The following PFKL variants were observed in gnomAD, a reference collection of about 807,000 sequenced individuals.
PFKL encodes the protein phosphofructokinase, liver type, also known as ATP-dependent 6-phosphofructokinase, liver type.
A neutral mutation model predicts 92.1 loss-of-function variants in PFKL; 74 were observed. The ratio of observed to expected loss-of-function variants is 0.80; its 90% CI spans 0.67 to 0.97. The LOEUF is 0.97. PFKL is among the 50% of genes least tolerant of loss of function. The probability of loss-of-function intolerance (pLI) is 0.00; values close to 1 mark genes in which losing one functional copy is unlikely to be tolerated. For missense variants in PFKL, 1,028 were observed against 1,116.6 expected (o/e 0.92, Z 1.13); for synonymous variants, 494 against 456.4 (o/e 1.08, Z -1.05).
At chr21:44,314,258 C>T (rs367945583) in intron 7 of PFKL, 92 of 545,476 alleles carry the variant, frequency 1.7e-4, no homozygotes, top group African/African-American at 1.5e-3. Flanking sequence ...CTCAGGCTGC[C>T]GCCGCCCCAG....
chr21:44,310,863 A>G, intron 2 of PFKL, 143 bp from the exon 3 acceptor site: 1 of 625,810 alleles, frequency 1.6e-6, no homozygotes, highest in South Asian at 1.9e-5. Context: ...CCTGTTACCC[A>G]GGCCCTGGGA....
At chr21:44,305,480 G>A (rs1300234807) in intron 1 of PFKL, 4 of 1,270,950 alleles carry the variant, frequency 3.1e-6, no homozygotes, top group South Asian at 1.2e-5. Context: ...TGAGGGGCAC[G>A]AGGCTTGGGG....
At chr21:44,326,403 G>A (rs530763447) in intron 21 of PFKL, 139 bp downstream of exon 21, 31 of 702,330 alleles carry the variant, frequency 4.4e-5, no homozygotes, top group East Asian at 2.7e-4. Flanking sequence ...CCAGGTCCCC[G>A]CCAGGCCGTG....
In PFKL at chr21:44,322,153, C is replaced by T. The variant is rs768621688; in HGVS notation, c.1359C>T (p.His453=). The change falls in exon 14 of 22, where the codon CAC becomes CAT. Residue 453 remains histidine, a synonymous_variant. Coordinates refer to ENST00000349048, the MANE Select transcript of PFKL (RefSeq NM_002626.6). ...AKGQVQEVGW[H]DVAGWLGRGG... is the part of the protein sequence containing the mutation. ...GGCAGGTGCAAGAAGTAGGCTGGCA[C>T]GACGTGGCCGGCTGGTTGGGGCGTG... 3.1e-5 allele frequency: 49 copies of T among 1,605,902 alleles called. No individual in the cohort carries two copies. Among genetic ancestry groups the T allele is most frequent in the Middle Eastern group, 3.3e-4 (2 of 5,998 alleles).
chr21:44,301,001 T>A (rs1409137146), intron 1 of PFKL, among the ~76,000 whole-genome samples: 2 of 152,094 alleles, frequency 1.3e-5, no homozygotes, highest in East Asian at 3.9e-4. Context: ...AGACCAGAAG[T>A]GAGGTGCTGG....
chr21:44,305,242 C>T (rs2040897944), intron 1 of PFKL: 1 of 1,306,690 alleles, frequency 7.7e-7, no homozygotes, highest in South Asian at 1.2e-5. Flanking sequence ...GTGCCGATCC[C>T]TGGGGTTTCT....
In PFKL at chr21:44,301,865, G is replaced by T. The variant is rs1289528677; in HGVS notation, c.85+1675G>T. ...AAGTTGAGAGCCTGGGGTGGCACGT[G>T]CCCCCCCCACCCCCTGCCACCCCAT... On this transcript the variant is annotated intron_variant, in intron 1 of 21. Coordinates refer to ENST00000349048, the MANE Select transcript of PFKL (RefSeq NM_002626.6). Among the ~76,000 whole-genome samples, 6 of 151,788 alleles carry T rather than the reference G, an allele frequency of 4.0e-5. No individual in the cohort carries two copies. In the East Asian group the frequency reaches 9.7e-4, roughly 24 times the overall value.
rs781632697 is a variant in PFKL at position 44,321,845 on chromosome 21, C to T, written c.1308C>T (p.His436=). 1.3e-5 allele frequency: 21 copies of T among 1,566,414 alleles called. No homozygotes were observed. Among genetic ancestry groups the T allele is most frequent in the East Asian group, 9.1e-5 (4 of 43,944 alleles). Residue 436 remains histidine, a synonymous_variant, in exon 13 of 22, where the codon CAC becomes CAT. Transcript: ENST00000349048. ...ATGGACACACAGTATACGTGGTGCA[C>T]GATGGCTTCGAAGGCCTAGCCAAGG... ...ISHGHTVYVV[H]DGFEGLAKGQ...
At chr21:44,314,122 A>T in intron 7 of PFKL, 101 bp downstream of exon 7, 3 of 785,798 alleles carry the variant, frequency 3.8e-6, no homozygotes, top group East Asian at 5.4e-5. Context: ...TCTATCACTC[A>T]TGGGTTCATC....
rs1277406033 is a variant in PFKL at position 44,312,100 on chromosome 21, T to C, written c.238-5T>C. The C allele has an allele frequency of 1.3e-6, 2 of 1,524,978 alleles. No homozygotes were observed. Among genetic ancestry groups the C allele is most frequent in the East Asian group, 5.0e-5 (2 of 39,806 alleles). The allele number at this position is 1,524,978 out of a possible 1,614,324, so 94.5% of individuals were successfully genotyped here. On this transcript the variant is annotated splice_polypyrimidine_tract_variant and splice_region_variant and intron_variant, in intron 3 of 21. Transcript: ENST00000349048. Reference sequence around the variant, plus strand: ...CTCCTGAAGTTTCTGGTCTCCTCTGTGCAGGGCGGCACTATCATTGGCAGC... The same window carrying C: ...CTCCTGAAGTTTCTGGTCTCCTCTGCGCAGGGCGGCACTATCATTGGCAGC...
chr21:44,304,153 T>C, intron 1 of PFKL: 1 of 1,251,112 alleles, frequency 8.0e-7, no homozygotes. Context: ...AGCTGGGTTT[T>C]GGCAGCTTCA....
rs529651180 is a variant in PFKL, at chr21:44,324,159, C to T, written c.1650+241C>T. Among the ~76,000 whole-genome samples the T allele has an allele frequency of 9.2e-5, 14 of 152,212 alleles. No individual in the cohort carries two copies. The South Asian group carries it at 1.7e-3, about 18-fold the overall frequency. ...ATGAGCTCAGATGGGGAGACTGAGG[C>T]GGGAATGTCCCTGCGCCCCAGTGCT... On this transcript the variant is annotated intron_variant, in intron 16 of 21. Transcript: ENST00000349048.
rs751531655 is a variant in PFKL, at chr21:44,318,479, A to T, written c.946A>T (p.Met316Leu). Residue 316 changes from methionine (M) to leucine (L), a missense_variant, in exon 10 of 22, where the codon ATG (methionine) becomes TTG (leucine). Physicochemically the swap from Met to Leu is conservative, Grantham distance 15. Coordinates refer to ENST00000349048, the MANE Select transcript of PFKL (RefSeq NM_002626.6). Reference sequence around the variant, plus strand: ...GAACCCTTCCCCACAGAGCAGCAAGATGGGCATGGAGGCGGTGATGGCGCT... The same window carrying T: ...GAACCCTTCCCCACAGAGCAGCAAGTTGGGCATGGAGGCGGTGATGGCGCT... ...SAFDRILSSK[M>L]GMEAVMALLE... 2 of 1,549,560 alleles carry T rather than the reference A, an allele frequency of 1.3e-6. No individual in the cohort carries two copies. Among genetic ancestry groups the T allele is most frequent in the Non-Finnish European group, 1.8e-6 (2 of 1,140,330 alleles).
chr21:44,300,235 C>A (rs1390976616), intron 1 of PFKL, 45 bp downstream of exon 1: 1 of 926,868 alleles, frequency 1.1e-6, no homozygotes, highest in Non-Finnish European at 1.3e-6. Flanking sequence ...GGGTGGAGGG[C>A]GCCTCCGCCC....
At position 44,313,962 on chromosome 21, in the gene PFKL, AT is replaced by A. The variant is rs1568954791; in HGVS notation, c.689del (p.Ile230ThrfsTer28). ...GGCCTCAGGGGCCGACTGGCTGTTC[AT>A]CCCCGAGGCTCCACCCGAGGACGGC... is the stretch of plus-strand genomic sequence containing the variant. Reference protein sequence around the residue: ...ALASGADWLFIPEAPPEDGWE... With the variant: ...ALASGADWLFXPEAPPEDGWE... On this transcript the variant is annotated frameshift_variant, in exon 7 of 22. Transcript: ENST00000349048. LOFTEE classifies it high-confidence loss of function. The A allele has an allele frequency of 6.2e-7, 1 of 1,608,294 alleles. No homozygotes were observed. The highest frequency in any genetic ancestry group is 1.7e-5 in the Admixed American group (1 of 59,312).
chr21:44,307,646 G>A (rs989182038), intron 2 of PFKL, among the ~76,000 whole-genome samples: 2 of 152,200 alleles, frequency 1.3e-5, no homozygotes, highest in African/African-American at 4.8e-5. Flanking sequence ...AGCCTGTCCA[G>A]CCCTCCCTCT....
intron 12 of PFKL, chr21:44,320,463 C>T (rs758630354): frequency 4.8e-5 from 11 of 230,756 alleles, no homozygotes; most frequent in Non-Finnish European, 8.6e-6. Context: ...GCCAGGCTCA[C>T]ACCTGTAATC....
At chr21:44,301,963 C>T (rs1427708397) in intron 1 of PFKL, among the ~76,000 whole-genome samples, 1 of 152,172 alleles carries the variant, frequency 6.6e-6, no homozygotes, top group Admixed American at 6.5e-5. Flanking sequence ...GTTCTTGGGC[C>T]AGCGGGGAGG....
chr21:44,323,426 C>CT (rs2047411059), intron 15 of PFKL, among the ~76,000 whole-genome samples: 2 of 152,188 alleles, frequency 1.3e-5, no homozygotes, highest in Non-Finnish European at 2.9e-5. Flanking sequence ...GACGGCATCG[C>CT]TGAACGTGGT....
Sources: gnomAD v4.1 joint callset for allele counts (sites outside exome capture counted in the v4.1 genomes callset) on GRCh38, gnomAD v4.1.1 for gene constraint, MANE v1.5 for transcripts, NCBI Gene and HGNC (gene_info 2026-07-23, HGNC 2026-07-21) for gene names.